The following ZSWIM6 variants were observed in gnomAD, a reference collection of about 807,000 sequenced individuals.
The protein encoded by ZSWIM6 is zinc finger SWIM-type containing 6.
ZSWIM6 carries 9 observed loss-of-function variants against 113.2 expected under a neutral mutation model. That is an observed-to-expected ratio of 0.08 (90% CI 0.05 to 0.14). ZSWIM6 has a LOEUF of 0.14. Among genes scored for constraint, ZSWIM6 ranks in the 10% least tolerant of loss-of-function variants. ZSWIM6 has a pLI of 1.00. For synonymous variants in ZSWIM6, 611 were observed against 606.5 expected, an observed-to-expected ratio of 1.01 and a Z score of -0.11; for missense variants, 1,162 against 1,552.2, an observed-to-expected ratio of 0.75 and a Z score of 4.22.
At chr5:61,484,066 G>A (rs1244755350) in intron 2 of ZSWIM6, among the ~76,000 whole-genome samples, 1 of 151,920 alleles carries the variant, frequency 6.6e-6, no homozygotes, top group African/African-American at 2.4e-5. Context: ...TTTTTGGAGG[G>A]TATCTGAATG....
chr5:61,529,715 A>G (rs1182138269), intron 7 of ZSWIM6, among the ~76,000 whole-genome samples: 2 of 152,334 alleles, frequency 1.3e-5, no homozygotes, highest in Non-Finnish European at 2.9e-5. Flanking sequence ...AAAATTTGGA[A>G]TTCATTTTTC....
At chr5:61,456,726 G>A (rs994749563) in intron 1 of ZSWIM6, among the ~76,000 whole-genome samples, 1 of 152,140 alleles carries the variant, frequency 6.6e-6, no homozygotes, top group Admixed American at 6.5e-5. Flanking sequence ...ATAAATGTTA[G>A]GAGGAGAGAG....
chr5:61,346,942 T>G (rs189893158), intron 1 of ZSWIM6, among the ~76,000 whole-genome samples: 1 of 152,240 alleles, frequency 6.6e-6, no homozygotes, highest in Non-Finnish European at 1.5e-5. Context: ...AATGGATGAA[T>G]TTTTTAAAAA....
intron 4 of ZSWIM6, among the ~76,000 whole-genome samples, chr5:61,509,839 A>C (rs1748731068): frequency 6.6e-6 from 1 of 152,144 alleles, no homozygotes; most frequent in African/African-American, 2.4e-5. Context: ...GTTTTATTTT[A>C]TTAAATGTAA....
chr5:61,519,226 G>A (rs1375059619), intron 4 of ZSWIM6, among the ~76,000 whole-genome samples: 1 of 152,122 alleles, frequency 6.6e-6, no homozygotes, highest in Non-Finnish European at 1.5e-5. Context: ...ATGCTGCCTT[G>A]GATCTGTCTC....
intron 4 of ZSWIM6, among the ~76,000 whole-genome samples, chr5:61,518,607 A>G (rs1749026617): frequency 6.6e-6 from 1 of 152,072 alleles, no homozygotes; most frequent in Non-Finnish European, 1.5e-5. Flanking sequence ...ATGTCTGTTC[A>G]TGTCCTTTGC....
chr5:61,359,588 C>A (rs554630345), intron 1 of ZSWIM6, among the ~76,000 whole-genome samples: 1 of 152,186 alleles, frequency 6.6e-6, no homozygotes, highest in Non-Finnish European at 1.5e-5. Context: ...TGAAGAAAAC[C>A]ACCTCAGATT....
intron 1 of ZSWIM6, among the ~76,000 whole-genome samples, chr5:61,377,153 A>G (rs913283590): frequency 6.6e-6 from 1 of 152,250 alleles, no homozygotes; most frequent in Non-Finnish European, 1.5e-5. Flanking sequence ...CAGAACACAC[A>G]GAACATGATA....
chr5:61,370,733 A>C (rs2112067231), intron 1 of ZSWIM6, among the ~76,000 whole-genome samples: 1 of 152,322 alleles, frequency 6.6e-6, no homozygotes, highest in East Asian at 1.9e-4. Context: ...TTTTTATGGC[A>C]CTTTCTATGT....
At chr5:61,399,231 G>T (rs1164030869) in intron 1 of ZSWIM6, among the ~76,000 whole-genome samples, 50 of 117,934 alleles carry the variant, frequency 4.2e-4, no homozygotes, top group East Asian at 7.9e-4. Context: ...GGCTGTGTAT[G>T]TTTTTTTTTT....
chr5:61,500,247 C>T (rs1748431035), intron 4 of ZSWIM6, among the ~76,000 whole-genome samples: 1 of 151,970 alleles, frequency 6.6e-6, no homozygotes, highest in African/African-American at 2.4e-5. Context: ...CTACCTTAGC[C>T]TCCTGGGTAG....
intron 1 of ZSWIM6, among the ~76,000 whole-genome samples, chr5:61,444,295 G>A (rs900622224): frequency 6.6e-6 from 1 of 151,952 alleles, no homozygotes; most frequent in Non-Finnish European, 1.5e-5. Context: ...ATTTATGGCT[G>A]CATAGTATTC....
At chr5:61,530,325 G>A (rs540313441) in intron 8 of ZSWIM6, 127 bp downstream of exon 8, 1 of 1,002,268 alleles carries the variant, frequency 1.0e-6, no homozygotes, top group Non-Finnish European at 1.4e-6. Context: ...GTTAGCAAGA[G>A]AGCAAGAAAA....
At chr5:61,390,429 T>C (rs1253926123) in intron 1 of ZSWIM6, among the ~76,000 whole-genome samples, 1 of 152,224 alleles carries the variant, frequency 6.6e-6, no homozygotes, top group Non-Finnish European at 1.5e-5. Flanking sequence ...TTTGAATCTA[T>C]GACAGAAATA....
chr5:61,414,137 G>A (rs1159697478), intron 1 of ZSWIM6, among the ~76,000 whole-genome samples: 1 of 152,100 alleles, frequency 6.6e-6, no homozygotes, highest in Non-Finnish European at 1.5e-5. Flanking sequence ...TCCTCAGGGT[G>A]CTATTTGGAG....
At chr5:61,468,586 C>A (rs561804486) in intron 1 of ZSWIM6, among the ~76,000 whole-genome samples, 1 of 152,310 alleles carries the variant, frequency 6.6e-6, no homozygotes, top group South Asian at 2.1e-4. Flanking sequence ...AGCTGGTCAT[C>A]ATAGTTTGTC....
intron 4 of ZSWIM6, among the ~76,000 whole-genome samples, chr5:61,520,780 T>G (rs1040977591): frequency 6.6e-6 from 1 of 152,150 alleles, no homozygotes; most frequent in Non-Finnish European, 1.5e-5. Flanking sequence ...AAAAAGTAAT[T>G]TTAGAAAGTA....
chr5:61,533,548 ATTAT>A (rs1345943852), intron 9 of ZSWIM6, among the ~76,000 whole-genome samples: 1 of 152,232 alleles, frequency 6.6e-6, no homozygotes, highest in Non-Finnish European at 1.5e-5. Flanking sequence ...AATTACACTA[ATTAT>A]TAATCCACAA....
intron 1 of ZSWIM6, chr5:61,391,208 A>C: frequency 1.1e-6 from 1 of 876,978 alleles, no homozygotes; most frequent in East Asian, 2.4e-5. Context: ...CCCTTGGTCA[A>C]CCTGATGACG....
Sources: allele counts gnomAD v4.1 joint callset (sites outside exome capture counted in the v4.1 genomes callset), GRCh38; gene constraint gnomAD v4.1.1; transcripts MANE v1.5; gene names NCBI Gene and HGNC (gene_info 2026-07-23, HGNC 2026-07-21).